KIF20B: variants seen among roughly 807,000 people sequenced by gnomAD.
The protein encoded by KIF20B is kinesin family member 20B, also known as kinesin-like protein KIF20B.
In KIF20B, 188 loss-of-function variants were observed where a neutral mutation model predicts 232.5. The ratio of observed to expected loss-of-function variants is 0.81; its 90% CI spans 0.72 to 0.91. The LOEUF is 0.91. Among genes scored for constraint, KIF20B ranks in the 40% least tolerant of loss-of-function variants. The pLI is 0.00. For missense variants in KIF20B, 2,154 were observed against 2,055.9 expected (o/e 1.05, Z -0.92); for synonymous variants, 712 against 683.0 (o/e 1.04, Z -0.66).
Position 89,751,420 on chromosome 10 carries a change from CAGGATCAAGTGCTTGAGGCTAAATTAG to C in KIF20B, c.4176_4202del (p.Asp1392_Glu1400del), listed in dbSNP as rs1454930746. ...AGAACAGGAACAAACTCAGGTAGAACAGGATCAAGTGCTTGAGGCTAAATTAGAGGAAGTTGAAAGGCTGGCCACAGG... is the reference window on the plus strand; with the variant it reads ...AGAACAGGAACAAACTCAGGTAGAACAGGAAGTTGAAAGGCTGGCCACAGG... On this transcript the variant is annotated inframe_deletion, in exon 24 of 33. Coordinates refer to ENST00000371728, the MANE Select transcript of KIF20B (RefSeq NM_001284259.2). 1 of 1,609,554 alleles carries C rather than the reference CAGGATCAAGTGCTTGAGGCTAAATTAG, an allele frequency of 6.2e-7. No individual in the cohort carries two copies. The highest frequency in any genetic ancestry group is 1.1e-5 in the South Asian group (1 of 89,780).
intron 29 of KIF20B, among the ~76,000 whole-genome samples, chr10:89,764,987 A>G (rs1842324396): frequency 1.3e-5 from 2 of 151,494 alleles, no homozygotes; most frequent in South Asian, 4.2e-4. Context: ...TATGTCCTGA[A>G]TGGTAATGCC....
intron 1 of KIF20B, among the ~76,000 whole-genome samples, chr10:89,704,099 G>A (rs1447580793): frequency 6.6e-6 from 1 of 152,134 alleles, no homozygotes; most frequent in Non-Finnish European, 1.5e-5. Flanking sequence ...TTGATCCAGT[G>A]GGCTTTTGAG....
chr10:89,738,926 A>G (rs745653720), intron 20 of KIF20B, 32 bp from the exon 21 acceptor site: 2 of 1,598,390 alleles, frequency 1.3e-6, no homozygotes, highest in Admixed American at 1.8e-5. Flanking sequence ...TTAATGATGC[A>G]TTACCATAGA....
chr10:89,705,590 C>A (rs1014176695), intron 2 of KIF20B, 149 bp downstream of exon 2: 2 of 630,316 alleles, frequency 3.2e-6, no homozygotes, highest in East Asian at 3.0e-5. Context: ...GAAGAAAAAT[C>A]AAAATAGGAA....
chr10:89,763,569 AAG>A (rs1266155917), intron 29 of KIF20B, among the ~76,000 whole-genome samples: 1 of 152,134 alleles, frequency 6.6e-6, no homozygotes, highest in Non-Finnish European at 1.5e-5. Flanking sequence ...CAAGTTTTAA[AAG>A]AGAAATTCTT....
At chr10:89,744,865 C>T (rs1841877774) in intron 22 of KIF20B, among the ~76,000 whole-genome samples, 1 of 152,112 alleles carries the variant, frequency 6.6e-6, no homozygotes, top group Admixed American at 6.5e-5. Flanking sequence ...TAATGATTCA[C>T]TCTTAAGACT....
intron 26 of KIF20B, among the ~76,000 whole-genome samples, chr10:89,755,207 G>A (rs547724898): frequency 1.4e-4 from 21 of 152,298 alleles, no homozygotes; most frequent in African/African-American, 4.8e-4. Flanking sequence ...TCGTTAATCC[G>A]AGGAAAGCTA....
At chr10:89,763,019 T>C (rs151275631) in intron 29 of KIF20B, among the ~76,000 whole-genome samples, 184 bp downstream of exon 29, 2,399 of 152,206 alleles carry the variant, frequency 0.016, 73 homozygotes, top group African/African-American at 0.055. Flanking sequence ...TGGTGACTCA[T>C]GCCTGTAATC....
chr10:89,707,926 T>C (rs1245163094), intron 2 of KIF20B, among the ~76,000 whole-genome samples: 1 of 152,238 alleles, frequency 6.6e-6, no homozygotes, highest in Non-Finnish European at 1.5e-5. Flanking sequence ...AAAGTTTCTC[T>C]TCATTTATTC....
At chr10:89,717,353 A>G in intron 9 of KIF20B, 71 bp from the exon 10 acceptor site, 1 of 925,832 alleles carries the variant, frequency 1.1e-6, no homozygotes, top group Non-Finnish European at 1.7e-6. Flanking sequence ...GATTGATTTG[A>G]ATACTTGTCT....
intron 17 of KIF20B, among the ~76,000 whole-genome samples, chr10:89,728,336 TAAAAC>T (rs1473385013): frequency 2.0e-5 from 3 of 152,166 alleles, no homozygotes; most frequent in African/African-American, 7.2e-5. Flanking sequence ...TTCCTAAATT[TAAAAC>T]AAAACCAAAC....
chr10:89,703,884 C>T (rs1228525759), intron 1 of KIF20B, among the ~76,000 whole-genome samples: 1 of 151,718 alleles, frequency 6.6e-6, no homozygotes, highest in African/African-American at 2.4e-5. Flanking sequence ...TCCTTAGTAG[C>T]TGGGACTACA....
At chr10:89,714,116 A>T in intron 7 of KIF20B, 33 bp downstream of exon 7, 1 of 1,226,882 alleles carries the variant, frequency 8.2e-7, no homozygotes, top group Non-Finnish European at 1.1e-6. Flanking sequence ...TCTTTGATGT[A>T]TCGATTATAT....
rs567515372 is a variant in KIF20B, at chr10:89,760,580, A to C, written c.4735A>C (p.Lys1579Gln). Residue 1579 changes from lysine (K) to glutamine (Q), a missense_variant, in exon 28 of 33, where the codon AAA becomes CAA. Transcript: ENST00000371728. ...PKRISSADPD[K>Q]LQTEPLSTSF... is the part of the protein sequence containing the mutation. ...ACGTATTAGTTCAGCAGATCCTGAC[A>C]AACTTCAAACTGAACCTCTATCGAC... 2 of 1,613,292 alleles carry C rather than the reference A, an allele frequency of 1.2e-6. No individual in the cohort carries two copies. Among genetic ancestry groups the C allele is most frequent in the African/African-American group, 2.7e-5 (2 of 75,022 alleles).
At position 89,726,434 on chromosome 10, in the gene KIF20B, C is replaced by G; in HGVS notation, c.2143C>G (p.Leu715Val). Residue 715 changes from leucine (L) to valine (V), a missense_variant, in exon 16 of 33, where the codon CTA becomes GTA. Transcript: ENST00000371728. Reference sequence around the variant, plus strand: ...CCAGGAAGCTACTGCTTGTTTAGAACTAAAGTTTAATCAAATTAAAGCTGA... The same window carrying G: ...CCAGGAAGCTACTGCTTGTTTAGAAGTAAAGTTTAATCAAATTAAAGCTGA... ...DPQEATACLE[L>V]KFNQIKAELA... 6.2e-7 allele frequency: 1 copy of G among 1,604,010 alleles called. No homozygotes were observed. The highest frequency in any genetic ancestry group is 8.5e-7 in the Non-Finnish European group (1 of 1,174,314).
At chr10:89,716,803 A>G (rs2133094467) in intron 9 of KIF20B, among the ~76,000 whole-genome samples, 1 of 152,276 alleles carries the variant, frequency 6.6e-6, no homozygotes, top group South Asian at 2.1e-4. Flanking sequence ...ATCTAAGCTC[A>G]GTATTTTTGG....
chr10:89,757,040 G>GTGTGTGTGTGTATATATATA (rs1301847520), intron 26 of KIF20B, among the ~76,000 whole-genome samples: 1 of 110,740 alleles, frequency 9.0e-6, no homozygotes, highest in African/African-American at 3.3e-5. Context: ...GTGTGTGTGT[G>GTGTGTGTGTGTATATATATA]TATATATATA....
rs544410846 is a variant in KIF20B, at chr10:89,738,963, A to C, written c.3782A>C (p.Lys1261Thr). 14 of 1,610,306 alleles carry C rather than the reference A, an allele frequency of 8.7e-6. No individual in the cohort carries two copies. The South Asian group carries it at 1.4e-4, about 17-fold the overall frequency. ...ETNRQETEKLKEELSASSART... is the reference protein window; with the variant it reads ...ETNRQETEKLTEELSASSART... ...AAGTGGTTTATGTTTTTTAGATTGA[A>C]AGAGGAACTCTCTGCAAGCTCTGCT... Residue 1261 changes from lysine to threonine, a missense_variant, in exon 21 of 33, where the codon AAA (lysine) becomes ACA (threonine). Coordinates refer to ENST00000371728, the MANE Select transcript of KIF20B (RefSeq NM_001284259.2).
Position 89,738,595 on chromosome 10 carries a change from A to G in KIF20B, c.3754A>G (p.Thr1252Ala). 2 of 1,550,250 alleles carry G rather than the reference A, an allele frequency of 1.3e-6. No homozygotes were observed. Among genetic ancestry groups the G allele is most frequent in the Non-Finnish European group, 1.7e-6 (2 of 1,150,902 alleles). Residue 1252 changes from threonine to alanine, a missense_variant, in exon 20 of 33, where the codon ACC becomes GCC. By Grantham distance (58) the Thr-to-Ala change is moderately conservative. Transcript: ENST00000371728. ...LLQLKEEEEE[T>A]NRQETEKLKE... is the part of the protein sequence containing the mutation. Reference sequence around the variant, plus strand: ...TCAATTAAAAGAAGAAGAAGAAGAAACCAACAGGCAAGAAACAGAAAAGTA... The same window carrying G: ...TCAATTAAAAGAAGAAGAAGAAGAAGCCAACAGGCAAGAAACAGAAAAGTA...
Sources: allele counts gnomAD v4.1 joint callset (sites outside exome capture counted in the v4.1 genomes callset), GRCh38; gene constraint gnomAD v4.1.1; transcripts MANE v1.5; gene names NCBI Gene and HGNC (gene_info 2026-07-23, HGNC 2026-07-21).